TFF1: variants seen among roughly 807,000 people sequenced by gnomAD.
The protein encoded by TFF1 is trefoil factor 1.
A neutral mutation model predicts 7.7 loss-of-function variants in TFF1; 8 were observed. The observed-to-expected ratio is 1.04, with a 90% CI of 0.61 to 1.87. The LOEUF (loss-of-function observed/expected upper bound fraction) is 1.87. Ranked by LOEUF, TFF1 falls within the 40% of genes most tolerant of loss-of-function variation. The pLI, the probability that TFF1 is intolerant of heterozygous loss-of-function variation, is 0.00. For synonymous variants in TFF1, 47 were observed against 44.8 expected (o/e 1.05, Z -0.19); for missense variants, 120 against 113.4 (o/e 1.06, Z -0.26).
At chr21:42,363,516 G>C (rs1167516973) in intron 1 of TFF1, 109 bp from the exon 2 acceptor site, 35 of 1,358,098 alleles carry the variant, frequency 2.6e-5, no homozygotes, top group Non-Finnish European at 3.4e-5. Flanking sequence ...CAACTGTCCA[G>C]TGAGGCGGAT....
At position 42,362,341 on chromosome 21, in the gene TFF1, A is replaced by G. The variant is rs2052243727; in HGVS notation, c.*138T>C. On this transcript the variant is annotated 3_prime_UTR_variant, in exon 3 of 3. Transcript: ENST00000291527. ...TTGAGTAGTCAAAGTCAGAGCAGTC[A>G]ATCTGTGTTGTGAGCCGAGGCACAG... 2.2e-6 allele frequency: 2 copies of G among 924,584 alleles called. No homozygotes were observed. Among genetic ancestry groups the G allele is most frequent in the Non-Finnish European group, 3.2e-6 (2 of 616,174 alleles). The allele number at this position is 924,584 out of a possible 1,614,324, so 57.3% of individuals were successfully genotyped here.
rs1234121522 is a variant in TFF1, at chr21:42,366,509, C to T, written c.-14G>A. On this transcript the variant is annotated 5_prime_UTR_variant, in exon 1 of 3. Transcript: ENST00000291527. ...CATGGTGGCCATTGCCTCCTCTCTG[C>T]TCCAAAGGCGACCCCGAGTCAGGGA... The T allele has an allele frequency of 5.6e-6, 9 of 1,603,326 alleles. No homozygotes were observed. Among genetic ancestry groups the T allele is most frequent in the Admixed American group, 1.7e-5 (1 of 59,576 alleles).
intron 2 of TFF1, 140 bp from the exon 3 acceptor site, chr21:42,362,635 C>G (rs528267116): frequency 9.8e-7 from 1 of 1,020,998 alleles, no homozygotes; most frequent in East Asian, 2.9e-5. Flanking sequence ...CAGCCGGGCA[C>G]GGTGGCTCAC....
chr21:42,363,816 G>A (rs1234468315), intron 1 of TFF1, among the ~76,000 whole-genome samples: 1 of 152,190 alleles, frequency 6.6e-6, no homozygotes, highest in African/African-American at 2.4e-5. Flanking sequence ...TCATTAATAA[G>A]AGTCTAAATA....
In TFF1 at chr21:42,366,344, A is replaced by G. The variant is rs538772083; in HGVS notation, c.85+67T>C. The G allele has an allele frequency of 2.7e-5, 34 of 1,282,280 alleles. No homozygotes were observed. In the African/African-American group the frequency reaches 4.8e-4, roughly 18 times the overall value. 79.4% of individuals were successfully genotyped at this position (1,282,280 alleles called of 1,614,324 possible). On this transcript the variant is annotated intron_variant, in intron 1 of 2. Transcript: ENST00000291527. ...GTGCTCAAAAATATGTATGTAAAACAGTGGCTCCTGGCGGAGGCTGCCAGA... is the reference window on the plus strand; with the variant it reads ...GTGCTCAAAAATATGTATGTAAAACGGTGGCTCCTGGCGGAGGCTGCCAGA...
At chr21:42,363,200 T>A in intron 2 of TFF1, 55 bp downstream of exon 2, 2 of 1,611,222 alleles carry the variant, frequency 1.2e-6, no homozygotes, top group South Asian at 1.1e-5. Flanking sequence ...TAGTCTTAAA[T>A]GACTTTTCTA....
chr21:42,364,816 G>T (rs993522680), intron 1 of TFF1, among the ~76,000 whole-genome samples: 1 of 152,204 alleles, frequency 6.6e-6, no homozygotes, highest in Admixed American at 6.5e-5. Context: ...GGCTTGCTGG[G>T]AAGGATCCGT....
Position 42,365,123 on chromosome 21 carries a change from A to G in TFF1, c.85+1288T>C, listed in dbSNP as rs573828368. Among the ~76,000 whole-genome samples, 125 of 152,284 alleles carry G rather than the reference A, an allele frequency of 8.2e-4. 1 individual carries two copies. Among genetic ancestry groups the G allele is most frequent in the African/African-American group, 2.9e-3 (121 of 41,548 alleles). On this transcript the variant is annotated intron_variant, in intron 1 of 2. Transcript: ENST00000291527. The stretch of plus-strand genomic sequence containing the variant: ...CCACACACGAATGCACTAAACTGTA[A>G]TCACAATTTTCTAGATTTCAGTTGT...
intron 1 of TFF1, 50 bp downstream of exon 1, chr21:42,366,361 G>T: frequency 6.9e-7 from 1 of 1,444,504 alleles, no homozygotes; most frequent in Non-Finnish European, 9.6e-7. Flanking sequence ...CCTGGCGGAG[G>T]CTGCCAGAGC....
Position 42,363,348 on chromosome 21 carries a change from A to T in TFF1, c.145T>A (p.Ser49Thr). The part of the protein sequence containing the change: ...QNCGFPGVTP[S>T]QCANKGCCFD... Reference sequence around the variant, plus strand: ...CAGCAGCCCTTATTTGCACACTGGGAGGGCGTGACACCAGGAAAACCACAA... The same window carrying T: ...CAGCAGCCCTTATTTGCACACTGGGTGGGCGTGACACCAGGAAAACCACAA... Residue 49 changes from serine to threonine, a missense_variant, in exon 2 of 3, where the codon TCC becomes ACC. Coordinates refer to ENST00000291527, the MANE Select transcript of TFF1 (RefSeq NM_003225.3). 1 of 1,614,172 alleles carries T rather than the reference A, an allele frequency of 6.2e-7. No individual in the cohort carries two copies. The highest frequency in any genetic ancestry group is 8.5e-7 in the Non-Finnish European group (1 of 1,180,030).
chr21:42,365,014 G>A (rs924484870), intron 1 of TFF1, among the ~76,000 whole-genome samples: 1 of 152,162 alleles, frequency 6.6e-6, no homozygotes, highest in African/African-American at 2.4e-5. Context: ...AAGATTTCCA[G>A]CCCCGGTGCT....
chr21:42,364,120 AAAG>A (rs1389105661), intron 1 of TFF1, among the ~76,000 whole-genome samples: 1 of 152,016 alleles, frequency 6.6e-6, no homozygotes, highest in Non-Finnish European at 1.5e-5. Context: ...AAAAAAAAAA[AAAG>A]AGTCTAAGGA....
At chr21:42,364,622 G>C (rs934274714) in intron 1 of TFF1, among the ~76,000 whole-genome samples, 1 of 152,218 alleles carries the variant, frequency 6.6e-6, no homozygotes, top group Admixed American at 6.5e-5. Context: ...TGCAGCAGGG[G>C]GTGAAAGAGG....
At position 42,363,523 on chromosome 21, in the gene TFF1, G is replaced by A. The variant is rs79309315; in HGVS notation, c.86-116C>T. 4,444 of 1,309,168 alleles carry A rather than the reference G, an allele frequency of 3.4e-3. 116 individuals are homozygous for A. In the African/African-American group the frequency reaches 0.056, roughly 16 times the overall value. 81.1% of individuals were successfully genotyped at this position (1,309,168 alleles called of 1,614,324 possible). On this transcript the variant is annotated intron_variant, in intron 1 of 2. Transcript: ENST00000291527. ...GACATCAGCAACTGTCCAGTGAGGC[G>A]GATATAAAACCCTCAGGACATGAGA...
intron 2 of TFF1, 40 bp from the exon 3 acceptor site, chr21:42,362,535 G>C (rs1298973289): frequency 2.6e-6 from 4 of 1,547,712 alleles, no homozygotes. Flanking sequence ...ATGCTTTAGT[G>C]AGGATAAACA....
At chr21:42,366,382 C>T (rs1312255296) in intron 1 of TFF1, 29 bp downstream of exon 1, 3 of 1,556,586 alleles carry the variant, frequency 1.9e-6, no homozygotes, top group South Asian at 2.3e-5. Flanking sequence ...TGGCTGTGGC[C>T]CCACAGAGCA....
chr21:42,365,221 G>A (rs1206408567), intron 1 of TFF1, among the ~76,000 whole-genome samples: 1 of 152,010 alleles, frequency 6.6e-6, no homozygotes, highest in Non-Finnish European at 1.5e-5. Flanking sequence ...GGGGTGGGGA[G>A]GGGAGTTTGC....
In TFF1 at chr21:42,363,235, ATCG is replaced by A. The variant is rs2146404923; in HGVS notation, c.238+17_238+19del. ...AACTAATTCTAAATCTTCAGAACCC[ATCG>A]TATAAAAAGGCCATACCTTCTGGAG... On this transcript the variant is annotated intron_variant, in intron 2 of 2. Coordinates refer to ENST00000291527, the MANE Select transcript of TFF1 (RefSeq NM_003225.3). 2 of 1,614,084 alleles carry A rather than the reference ATCG, an allele frequency of 1.2e-6. No individual in the cohort carries two copies. Among genetic ancestry groups the A allele is most frequent in the East Asian group, 4.5e-5 (2 of 44,882 alleles).
rs767781996 is a variant in TFF1 at position 42,363,391 on chromosome 21, G to C, written c.102C>G (p.Ala34=). The part of the protein sequence containing the change: ...AEAQTETCTV[A]PRERQNCGFP... ...AACCACAATTCTGTCTTTCACGGGG[G>C]GCCACTGTACACGTCTCTGAAAGTG... The change falls in exon 2 of 3, where the codon GCC becomes GCG. Residue 34 remains alanine, a synonymous_variant. Transcript: ENST00000291527. 3 of 1,614,034 alleles carry C rather than the reference G, an allele frequency of 1.9e-6. No homozygotes were observed.
Sources: allele counts gnomAD v4.1 joint callset (sites outside exome capture counted in the v4.1 genomes callset), GRCh38; gene constraint gnomAD v4.1.1; transcripts MANE v1.5; gene names NCBI Gene and HGNC (gene_info 2026-07-23, HGNC 2026-07-21).